Variants in SLC22A3 observed in about 807,000 individuals in gnomAD.
SLC22A3 encodes EMT organic cation transporter 3.
A neutral mutation model predicts 59.1 loss-of-function variants in SLC22A3; 51 were observed. That is an observed-to-expected ratio of 0.86 (90% CI 0.69 to 1.09). SLC22A3 has a LOEUF of 1.09. SLC22A3 is among the 50% of genes least tolerant of loss of function. The pLI is 0.00. For synonymous variants in SLC22A3, 325 were observed against 292.0 expected (o/e 1.11, Z -1.15); for missense variants, 711 against 726.3 (o/e 0.98, Z 0.24).
chr6:160,389,273 T>C (rs1205299020), intron 1 of SLC22A3, among the ~76,000 whole-genome samples: 2 of 152,196 alleles, frequency 1.3e-5, no homozygotes, highest in Admixed American at 6.5e-5. Context: ...ATCAGTCTTG[T>C]GCCAGTTCCT....
chr6:160,366,633 C>T (rs1156965366), intron 1 of SLC22A3, among the ~76,000 whole-genome samples: 1 of 152,236 alleles, frequency 6.6e-6, no homozygotes, highest in Non-Finnish European at 1.5e-5. Context: ...TTCCACACTG[C>T]CCTAGCAGAG....
chr6:160,350,267 A>G (rs1432743018), intron 1 of SLC22A3, among the ~76,000 whole-genome samples: 1 of 151,374 alleles, frequency 6.6e-6, no homozygotes, highest in Admixed American at 6.6e-5. Flanking sequence ...GGGTGTTTCT[A>G]TAATGCCACA....
intron 2 of SLC22A3, among the ~76,000 whole-genome samples, chr6:160,403,406 A>T (rs1786871272): frequency 6.6e-6 from 1 of 151,912 alleles, no homozygotes; most frequent in African/African-American, 2.4e-5. Flanking sequence ...TCAATAGTTA[A>T]TTACTTTTCA....
chr6:160,443,703 C>T lies in SLC22A3; in HGVS notation c.1471C>T (p.Leu491=), dbSNP rs760168774. Residue 491 remains leucine, a synonymous_variant, in exon 9 of 11, where the codon CTA becomes TTA. Transcript: ENST00000275300. ...GIIAPFLLFR[L]AAVWLELPLI... is the part of the protein sequence containing the mutation. ...CATAGCCCCATTTCTGCTCTTTCGG[C>T]TAGCAGCCGTGTGGCTAGAACTACC... is the stretch of plus-strand genomic sequence containing the variant. The T allele has an allele frequency of 1.2e-6, 2 of 1,613,660 alleles. No individual in the cohort carries two copies. Among genetic ancestry groups the T allele is most frequent in the Non-Finnish European group, 1.7e-6 (2 of 1,179,830 alleles).
intron 5 of SLC22A3, among the ~76,000 whole-genome samples, chr6:160,434,195 G>A (rs1237862139): frequency 6.6e-6 from 1 of 152,216 alleles, no homozygotes; most frequent in Non-Finnish European, 1.5e-5. Flanking sequence ...TGAATTTAAA[G>A]ATCTTTAAAA....
At chr6:160,447,685 C>T (rs1391614104) in intron 9 of SLC22A3, 34 bp from the exon 10 acceptor site, 1 of 1,584,072 alleles carries the variant, frequency 6.3e-7, no homozygotes, top group Non-Finnish European at 8.7e-7. Flanking sequence ...GCTGTGTCTT[C>T]CTGGAGCGGT....
intron 9 of SLC22A3, among the ~76,000 whole-genome samples, chr6:160,446,611 C>G (rs1030671754): frequency 2.0e-5 from 3 of 152,174 alleles, no homozygotes; most frequent in African/African-American, 7.2e-5. Context: ...TCACCTCCCA[C>G]CAGGTCCCTC....
At chr6:160,391,956 A>T (rs1270837814) in intron 1 of SLC22A3, among the ~76,000 whole-genome samples, 2 of 152,220 alleles carry the variant, frequency 1.3e-5, no homozygotes, top group African/African-American at 4.8e-5. Flanking sequence ...CCTACAGTAA[A>T]GCCTGATAGT....
intron 5 of SLC22A3, chr6:160,425,777 T>G (rs1240045063): frequency 1.0e-6 from 1 of 973,962 alleles, no homozygotes. Flanking sequence ...AGTCTATATA[T>G]TTGTTGGAAT....
chr6:160,420,958 C>A (rs535489260), intron 5 of SLC22A3, among the ~76,000 whole-genome samples: 2 of 152,214 alleles, frequency 1.3e-5, no homozygotes, highest in Non-Finnish European at 2.9e-5. Flanking sequence ...TTTCCGCACC[C>A]CTTCCTCCGC....
intron 1 of SLC22A3, among the ~76,000 whole-genome samples, chr6:160,387,523 A>G (rs1394462010): frequency 6.6e-6 from 1 of 152,198 alleles, no homozygotes; most frequent in Non-Finnish European, 1.5e-5. Flanking sequence ...GATTTGTCAG[A>G]ACCTTAAAAT....
chr6:160,387,569 A>G (rs1161341446), intron 1 of SLC22A3, among the ~76,000 whole-genome samples: 1 of 152,230 alleles, frequency 6.6e-6, no homozygotes, highest in African/African-American at 2.4e-5. Context: ...CAGAAGGGCT[A>G]TCCGAGACAT....
chr6:160,399,448 C>T (rs1236223031), intron 2 of SLC22A3, among the ~76,000 whole-genome samples: 1 of 152,084 alleles, frequency 6.6e-6, no homozygotes, highest in Admixed American at 6.5e-5. Context: ...ACCATATCTC[C>T]AAACTAAATT....
chr6:160,418,535 A>G (rs1012337234), intron 5 of SLC22A3, among the ~76,000 whole-genome samples: 3 of 152,146 alleles, frequency 2.0e-5, no homozygotes, highest in Non-Finnish European at 2.9e-5. Context: ...TGTAGATCCT[A>G]TCAGTTTTGT....
At chr6:160,359,819 A>G (rs1198039161) in intron 1 of SLC22A3, among the ~76,000 whole-genome samples, 2 of 152,132 alleles carry the variant, frequency 1.3e-5, no homozygotes, top group East Asian at 1.9e-4. Flanking sequence ...CAGATAGTCT[A>G]TGTTTGAACA....
intron 5 of SLC22A3, among the ~76,000 whole-genome samples, chr6:160,414,183 G>T (rs1188020691): frequency 6.6e-6 from 1 of 152,168 alleles, no homozygotes. Flanking sequence ...CCTGGTAGCT[G>T]CTTGTCTCTT....
intron 1 of SLC22A3, among the ~76,000 whole-genome samples, chr6:160,363,375 G>A (rs1005205453): frequency 6.6e-6 from 1 of 152,222 alleles, no homozygotes; most frequent in Non-Finnish European, 1.5e-5. Context: ...GAGGCAGGAA[G>A]CTCAGAGTCC....
intron 4 of SLC22A3, among the ~76,000 whole-genome samples, 166 bp from the exon 5 acceptor site, chr6:160,410,563 T>A: frequency 6.6e-6 from 1 of 152,238 alleles, no homozygotes; most frequent in African/African-American, 2.4e-5. Flanking sequence ...CCATCCATTA[T>A]AACCTTGCAG....
chr6:160,430,162 G>T (rs138637170), intron 5 of SLC22A3, among the ~76,000 whole-genome samples: 1,761 of 151,428 alleles, frequency 0.012, 12 homozygotes, highest in Non-Finnish European at 0.019. Flanking sequence ...TTATTTAAAT[G>T]AATTTTCAAA....
Sources: gnomAD v4.1 joint callset for allele counts (sites outside exome capture counted in the v4.1 genomes callset) on GRCh38, gnomAD v4.1.1 for gene constraint, MANE v1.5 for transcripts, NCBI Gene and HGNC (gene_info 2026-07-23, HGNC 2026-07-21) for gene names.